Variants in TMEM63A observed in about 807,000 individuals in gnomAD.
TMEM63A encodes transmembrane protein 63A, also known as mechanosensitive cation channel TMEM63A.
In TMEM63A, 76 loss-of-function variants were observed where a neutral mutation model predicts 100.6. The ratio of observed to expected loss-of-function variants is 0.76; its 90% confidence interval spans 0.63 to 0.91. The LOEUF is 0.91. Ranked by LOEUF, TMEM63A falls within the 40% of genes least tolerant of loss-of-function variation. TMEM63A has a pLI of 0.00. For synonymous variants in TMEM63A, 401 were observed against 401.1 expected (o/e 1.00, Z 0.00); for missense variants, 876 against 1,008.8 (o/e 0.87, Z 1.78).
At chr1:225,871,544 T>G (rs1670507867) in intron 5 of TMEM63A, 1 of 210,744 alleles carries the variant, frequency 4.7e-6, no homozygotes, top group African/African-American at 2.3e-5. Context: ...TTAATACCCC[T>G]AAAGCTGGGC....
intron 21 of TMEM63A, 117 bp downstream of exon 21, chr1:225,849,792 GCAC>G (rs969914130): frequency 5.9e-5 from 76 of 1,298,700 alleles, no homozygotes; most frequent in Non-Finnish European, 7.9e-5. Context: ...CTCACTCTGG[GCAC>G]CACATTCTGA....
chr1:225,859,466 G>A, intron 14 of TMEM63A, 117 bp from the exon 15 acceptor site: 1 of 1,258,348 alleles, frequency 7.9e-7, no homozygotes, highest in Non-Finnish European at 1.1e-6. Context: ...CAAGTTCTCT[G>A]CACTGACCTT....
At chr1:225,847,553 A>T (rs1330834045) in intron 23 of TMEM63A, 1 of 202,598 alleles carries the variant, frequency 4.9e-6, no homozygotes, top group Non-Finnish European at 9.9e-6. Context: ...GGGGGCTTAG[A>T]ACGCTGCCCT....
intron 6 of TMEM63A, among the ~76,000 whole-genome samples, chr1:225,869,298 CAT>C (rs1158044534): frequency 1.3e-5 from 2 of 152,222 alleles, no homozygotes; most frequent in African/African-American, 4.8e-5. Context: ...TATGCCTGTT[CAT>C]ATGAGTCCTG....
In TMEM63A at chr1:225,865,720, G is replaced by A; in HGVS notation, c.746+177C>T. 1 of 627,440 alleles carries A rather than the reference G, an allele frequency of 1.6e-6. No homozygotes were observed. The allele number at this position is 627,440 out of a possible 1,614,324, so 38.9% of individuals were successfully genotyped here. On this transcript the variant is annotated intron_variant, in intron 10 of 24. Coordinates refer to ENST00000366835, the MANE Select transcript of TMEM63A (RefSeq NM_014698.3). This position sits in a 1 kb window ranked among gnomAD's most constrained non-coding sequence, Gnocchi z 4.6. ...GCTATTCACTGCACAGCACCAGCAG[G>A]GCTGGCACACAGGAGCCACTCCATA...
chr1:225,856,871 C>G (rs1487224569), intron 16 of TMEM63A, 40 bp downstream of exon 16: 1 of 1,599,714 alleles, frequency 6.3e-7, no homozygotes, highest in Admixed American at 1.7e-5. Context: ...TCAGAGATAT[C>G]CTTCTTAGGG....
rs1321709889 is a variant in TMEM63A, at chr1:225,856,926, T to C, written c.1469A>G (p.Glu490Gly). The change falls in exon 16 of 25, where the codon GAG becomes GGG. Residue 490 changes from glutamate (E) to glycine (G), a missense_variant. Physicochemically the swap from Glu to Gly is moderately conservative, Grantham distance 98. Transcript: ENST00000366835. ...GGGCACTCACTTGGTCCAGTGAGAC[T>C]CCAGCAGTGTAGAGTAGTAGACAAT... is the stretch of plus-strand genomic sequence containing the variant. ...PSIVYYSTLL[E>G]SHWTKSGENQ... 1 of 1,610,564 alleles carries C rather than the reference T, an allele frequency of 6.2e-7. No individual in the cohort carries two copies. The highest frequency in any genetic ancestry group is 2.2e-5 in the East Asian group (1 of 44,808).
At position 225,874,170 on chromosome 1, in the gene TMEM63A, C is replaced by T. The variant is rs1576113589; in HGVS notation, c.266+118G>A. ...ATAAGCCCCTAGCCCATTCCAGGGA[C>T]ACACACACACACACTATACACACAT... is the stretch of plus-strand genomic sequence containing the variant. On this transcript the variant is annotated intron_variant, in intron 4 of 24. Coordinates refer to ENST00000366835, the MANE Select transcript of TMEM63A (RefSeq NM_014698.3). The T allele has an allele frequency of 1.7e-5, 10 of 584,866 alleles. No individual in the cohort carries two copies. The East Asian group carries it at 2.7e-4, about 16-fold the overall frequency. 36.2% of individuals were successfully genotyped at this position (584,866 alleles called of 1,614,324 possible).
At chr1:225,857,438 T>G (rs1669696845) in intron 15 of TMEM63A, among the ~76,000 whole-genome samples, 1 of 146,502 alleles carries the variant, frequency 6.8e-6, no homozygotes, top group Non-Finnish European at 1.5e-5. Flanking sequence ...CTGCAGCATA[T>G]CAGGGCTCCA....
chr1:225,848,774 C>T, intron 22 of TMEM63A, 123 bp downstream of exon 22: 2 of 917,386 alleles, frequency 2.2e-6, no homozygotes, highest in Non-Finnish European at 3.3e-6. Flanking sequence ...CATGGAGAAG[C>T]AGAATCTGGA....
chr1:225,874,223 C>T, intron 4 of TMEM63A, 65 bp downstream of exon 4: 1 of 1,476,802 alleles, frequency 6.8e-7, no homozygotes, highest in Non-Finnish European at 9.4e-7. Context: ...TATACACACT[C>T]ACGCACATAT....
rs1398001574 is a variant in TMEM63A at position 225,877,501 on chromosome 1, G to C, written c.80C>G (p.Pro27Arg). Residue 27 changes from proline to arginine, a missense_variant, in exon 3 of 25, where the codon CCC (proline) becomes CGC (arginine). Physicochemically the swap from Pro to Arg is moderately radical, Grantham distance 103. Coordinates refer to ENST00000366835, the MANE Select transcript of TMEM63A (RefSeq NM_014698.3). ...CGAGTTGTAGCAATAGGAGTCGTTG[G>C]GCCGGTCCCCGAGTCCCAGCTGCTC... ...IREQLGLGDR[P>R]NDSYCYNSAK... 1 of 1,614,026 alleles carries C rather than the reference G, an allele frequency of 6.2e-7. No homozygotes were observed. The highest frequency in any genetic ancestry group is 1.3e-5 in the African/African-American group (1 of 74,914).
chr1:225,872,272 G>A (rs928224631), intron 4 of TMEM63A, among the ~76,000 whole-genome samples: 2 of 152,164 alleles, frequency 1.3e-5, no homozygotes, highest in African/African-American at 2.4e-5. Context: ...TATGTTATAC[G>A]GGATGAATAG....
At chr1:225,840,741 C>CT (rs1668327634), downstream of TMEM63A, 1 of 154,996 alleles carries the variant, frequency 6.5e-6, no homozygotes, top group Non-Finnish European at 1.4e-5. Context: ...GATGGGACCC[C>CT]TGTAGCATCA....
Position 225,860,694 on chromosome 1 carries a change from AC to A in TMEM63A, c.1223+165del, listed in dbSNP as rs199537062. ...CACTGGAGGGAAGGGCTGGGCAGATACCCCAGTTGGGCCACACCGAGCACAT... is the reference window on the plus strand; with the variant it reads ...CACTGGAGGGAAGGGCTGGGCAGATACCCAGTTGGGCCACACCGAGCACAT... On this transcript the variant is annotated intron_variant, in intron 14 of 24. Transcript: ENST00000366835. The A allele has an allele frequency of 3.4e-3, 2,344 of 685,346 alleles. 44 individuals carry two copies. The African/African-American group carries it at 0.036, about 10-fold the overall frequency. 42.5% of individuals were successfully genotyped at this position (685,346 alleles called of 1,614,324 possible).
rs750546958 is a variant in TMEM63A, at chr1:225,867,154, G to C, written c.524C>G (p.Pro175Arg). The change falls in exon 8 of 25, where the codon CCG (proline) becomes CGG (arginine). Residue 175 changes from proline to arginine, a missense_variant. Physicochemically the swap from Pro to Arg is moderately radical, Grantham distance 103. Coordinates refer to ENST00000366835, the MANE Select transcript of TMEM63A (RefSeq NM_014698.3). This position sits in a 1 kb window ranked among gnomAD's most constrained non-coding sequence, Gnocchi z 4.6. ...TATTGTTGTCCTCCCAAAACTATAC[G>C]GGTCTTTGTCTGCAGAGAAGCACAG... ...NLSGDLLDKDPYSFGRTTIAN... is the reference protein window; with the variant it reads ...NLSGDLLDKDRYSFGRTTIAN... 6.2e-7 allele frequency: 1 copy of C among 1,614,124 alleles called. No individual in the cohort carries two copies. Among genetic ancestry groups the C allele is most frequent in the East Asian group, 2.2e-5 (1 of 44,870 alleles).
chr1:225,849,374 C>G (rs779655751), intron 21 of TMEM63A, among the ~76,000 whole-genome samples: 1 of 152,188 alleles, frequency 6.6e-6, no homozygotes. Context: ...CCAGTCTGAC[C>G]GGGGCAGACG....
chr1:225,863,504 A>G (rs1670046542), intron 10 of TMEM63A, among the ~76,000 whole-genome samples: 1 of 152,220 alleles, frequency 6.6e-6, no homozygotes, highest in East Asian at 1.9e-4. Flanking sequence ...CTAGGTCAGT[A>G]TCTACCTTGA....
chr1:225,842,193 G>C (rs1270565576), downstream of TMEM63A, among the ~76,000 whole-genome samples: 1 of 152,248 alleles, frequency 6.6e-6, no homozygotes, highest in East Asian at 1.9e-4. Context: ...TGCCGAGGCA[G>C]AGTTAAGGAA....
Sources: allele counts gnomAD v4.1 joint callset (sites outside exome capture counted in the v4.1 genomes callset), GRCh38; gene constraint gnomAD v4.1.1; non-coding constraint Gnocchi (gnomAD v3.1); transcripts MANE v1.5; gene names NCBI Gene and HGNC (gene_info 2026-07-23, HGNC 2026-07-21).